The following ZNF438 variants were observed in gnomAD, a reference collection of about 807,000 sequenced individuals.
ZNF438 encodes zinc finger protein 438.
ZNF438 carries 25 observed loss-of-function variants against 38.0 expected under a neutral mutation model. The ratio of observed to expected loss-of-function variants is 0.66; its 90% CI spans 0.48 to 0.92. The LOEUF is 0.92. Ranked by LOEUF, ZNF438 falls within the 40% of genes least tolerant of loss-of-function variation. ZNF438 has a pLI of 0.00. For missense variants in ZNF438, 1,007 were observed against 999.6 expected, an observed-to-expected ratio of 1.01 and a Z score of -0.10; for synonymous variants, 372 against 364.1, an observed-to-expected ratio of 1.02 and a Z score of -0.25.
intron 1 of ZNF438, among the ~76,000 whole-genome samples, chr10:30,980,509 T>G (rs992967434): frequency 3.3e-5 from 5 of 152,196 alleles, no homozygotes; most frequent in African/African-American, 1.2e-4. Context: ...ACTTTGAGTT[T>G]TTGGCCTGGA....
At chr10:31,005,227 G>C (rs1564836826) in intron 1 of ZNF438, among the ~76,000 whole-genome samples, 4 of 152,156 alleles carry the variant, frequency 2.6e-5, no homozygotes. Flanking sequence ...CAACCAAAGT[G>C]TCTGTCAACA....
At chr10:31,026,548 T>C (rs1351490818) in intron 1 of ZNF438, among the ~76,000 whole-genome samples, 9 of 152,252 alleles carry the variant, frequency 5.9e-5, no homozygotes, top group Admixed American at 1.3e-4. Flanking sequence ...GAGATACCAT[T>C]TCACACCAGT....
At chr10:30,930,462 C>A (rs71491450) in intron 2 of ZNF438, among the ~76,000 whole-genome samples, 1 of 152,084 alleles carries the variant, frequency 6.6e-6, no homozygotes. Context: ...CGGCTCTGGC[C>A]TCAGCCAGCC....
At chr10:30,969,928 C>A (rs1467882385) in intron 1 of ZNF438, among the ~76,000 whole-genome samples, 2 of 151,462 alleles carry the variant, frequency 1.3e-5, no homozygotes, top group South Asian at 4.2e-4. Context: ...TTTTTTAAAT[C>A]TTGAAGACAA....
chr10:30,894,731 A>G (rs1352612294), intron 3 of ZNF438, among the ~76,000 whole-genome samples: 2 of 152,230 alleles, frequency 1.3e-5, no homozygotes, highest in African/African-American at 4.8e-5. Context: ...TGAAGAAAAA[A>G]AATCACTTAA....
exon 1 of ZNF438, chr10:31,031,833 A>G (rs1198444058): frequency 6.6e-6 from 1 of 152,626 alleles, no homozygotes; most frequent in African/African-American, 2.4e-5. Context: ...GTAAACTTAC[A>G]GTTTTCCTAC....
At chr10:30,969,417 G>T (rs7082507) in intron 1 of ZNF438, among the ~76,000 whole-genome samples, 94,381 of 152,028 alleles carry the variant, frequency 0.62, 31,012 homozygotes, top group African/African-American at 0.85. Flanking sequence ...ACAACTGATG[G>T]TTAATTTCTT....
chr10:30,992,296 G>A (rs761085485), intron 1 of ZNF438, among the ~76,000 whole-genome samples: 10 of 152,154 alleles, frequency 6.6e-5, no homozygotes, highest in Non-Finnish European at 1.5e-4. Context: ...ACTGGGTAAC[G>A]GGTAGAAGCT....
At chr10:30,888,959 C>T (rs2040326055) in intron 3 of ZNF438, among the ~76,000 whole-genome samples, 1 of 152,166 alleles carries the variant, frequency 6.6e-6, no homozygotes, top group Admixed American at 6.5e-5. Context: ...CACTGCTTTC[C>T]ACAGTGACCA....
chr10:30,941,217 G>A (rs192600210), intron 2 of ZNF438, among the ~76,000 whole-genome samples: 95 of 152,130 alleles, frequency 6.2e-4, no homozygotes, highest in Admixed American at 2.0e-3. Flanking sequence ...GACTACAGGC[G>A]CCTGCCACCA....
At chr10:31,015,971 CT>C (rs1401790916) in intron 1 of ZNF438, among the ~76,000 whole-genome samples, 1 of 152,166 alleles carries the variant, frequency 6.6e-6, no homozygotes, top group African/African-American at 2.4e-5. Context: ...TAATCACCTC[CT>C]TAAAGGCCAC....
intron 3 of ZNF438, among the ~76,000 whole-genome samples, chr10:30,883,168 T>C (rs2039492379): frequency 1.3e-5 from 2 of 152,206 alleles, no homozygotes; most frequent in South Asian, 4.1e-4. Flanking sequence ...TGCAAATTTC[T>C]AAAATAATAC....
At chr10:31,014,894 A>T in intron 1 of ZNF438, among the ~76,000 whole-genome samples, 1 of 151,878 alleles carries the variant, frequency 6.6e-6, no homozygotes, top group East Asian at 1.9e-4. Context: ...TTAGAGACAG[A>T]GTCTCACTCT....
intron 1 of ZNF438, among the ~76,000 whole-genome samples, chr10:30,985,603 G>C (rs963041571): frequency 1.3e-5 from 2 of 152,196 alleles, no homozygotes; most frequent in African/African-American, 2.4e-5. Context: ...TCATTCTGTA[G>C]AATATGAAAC....
At chr10:31,020,660 C>A (rs1293266189) in intron 1 of ZNF438, among the ~76,000 whole-genome samples, 2 of 151,778 alleles carry the variant, frequency 1.3e-5, no homozygotes, top group African/African-American at 4.8e-5. Flanking sequence ...TTTATTTCTC[C>A]TTAGTATAAA....
chr10:31,013,635 G>A (rs1459478828), intron 1 of ZNF438, among the ~76,000 whole-genome samples: 2 of 152,072 alleles, frequency 1.3e-5, no homozygotes. Context: ...GAAGATGCAG[G>A]AAAGAAACTT....
intron 5 of ZNF438, among the ~76,000 whole-genome samples, chr10:30,846,201 A>G (rs1179401659): frequency 6.6e-6 from 1 of 152,214 alleles, no homozygotes; most frequent in Non-Finnish European, 1.5e-5. Context: ...TGTCCAAACT[A>G]CATTTGGCAA....
At chr10:30,848,050 A>G (rs530622097) in intron 5 of ZNF438, among the ~76,000 whole-genome samples, 4 of 152,338 alleles carry the variant, frequency 2.6e-5, no homozygotes, top group African/African-American at 9.6e-5. Flanking sequence ...TCCCATAGCA[A>G]TAATACCAGG....
chr10:30,909,044 T>C (rs2042839549), intron 2 of ZNF438, 29 bp from the exon 4 acceptor site: 1 of 152,162 alleles, frequency 6.6e-6, no homozygotes, highest in African/African-American at 2.4e-5. Context: ...ATTTACAAAC[T>C]TTTAAGAGAA....
Sources: allele counts gnomAD v4.1 joint callset (sites outside exome capture counted in the v4.1 genomes callset), GRCh38; gene constraint gnomAD v4.1.1; transcripts MANE v1.5; gene names NCBI Gene and HGNC (gene_info 2026-07-23, HGNC 2026-07-21).